MAP4K3: variants seen among roughly 807,000 people sequenced by gnomAD.
The protein encoded by MAP4K3 is MAPK/ERK kinase kinase kinase 3.
In MAP4K3, 94 loss-of-function variants were observed where a neutral mutation model predicts 143.5. That is an observed-to-expected ratio of 0.65 (90% confidence interval 0.55 to 0.78). MAP4K3 has a LOEUF of 0.78. Ranked by LOEUF, MAP4K3 falls within the 30% of genes least tolerant of loss-of-function variation. The probability of loss-of-function intolerance (pLI) is 0.00; values close to 1 mark genes in which losing one functional copy is unlikely to be tolerated. For missense variants in MAP4K3, 1,077 were observed against 1,068.1 expected (o/e 1.01, Z -0.12); for synonymous variants, 416 against 347.2 (o/e 1.20, Z -2.20).
At chr2:39,289,003 G>T (rs936273016) in intron 19 of MAP4K3, among the ~76,000 whole-genome samples, 7 of 152,194 alleles carry the variant, frequency 4.6e-5, no homozygotes, top group Non-Finnish European at 1.0e-4. Context: ...AGTGAGCCAA[G>T]ATAGCGCCAC....
In MAP4K3 at chr2:39,298,350, T is replaced by A. The variant is rs531897354; in HGVS notation, c.1178+1393A>T. ...TTTTAAAAAACATAAATGCTAATAATAATAATGACTTAATAATAGTATCAA... is the reference window on the plus strand; with the variant it reads ...TTTTAAAAAACATAAATGCTAATAAAAATAATGACTTAATAATAGTATCAA... On this transcript the variant is annotated intron_variant, in intron 16 of 33. Transcript: ENST00000263881. Among the ~76,000 whole-genome samples the A allele has an allele frequency of 2.0e-3, 304 of 152,174 alleles. 1 individual carries two copies. The highest frequency in any genetic ancestry group is 0.017 in the Middle Eastern group (5 of 290).
At chr2:39,427,406 A>G (rs1325240475) in intron 1 of MAP4K3, among the ~76,000 whole-genome samples, 1 of 152,136 alleles carries the variant, frequency 6.6e-6, no homozygotes, top group Admixed American at 6.5e-5. Context: ...AAGGCCAAGA[A>G]GAAACAGTGA....
intron 2 of MAP4K3, among the ~76,000 whole-genome samples, chr2:39,359,626 G>C (rs1287302359): frequency 2.0e-5 from 3 of 152,250 alleles, no homozygotes; most frequent in Non-Finnish European, 4.4e-5. Flanking sequence ...CTCCACCCTT[G>C]CAGCAAACTT....
At position 39,363,272 on chromosome 2, in the gene MAP4K3, G is replaced by A. The variant is rs192831237; in HGVS notation, c.155-6933C>T. On this transcript the variant is annotated intron_variant, in intron 2 of 33. Transcript: ENST00000263881. ...GAAACAGAATTAAAAGACTACCTAT[G>A]GAATGTAAGAAAATATTTGCAAACC... 9.6e-4 allele frequency among the ~76,000 whole-genome samples: 146 copies of A among 152,246 alleles called. 3 individuals carry two copies. The highest frequency in any genetic ancestry group is 8.2e-3 in the Admixed American group (125 of 15,284).
At position 39,332,002 on chromosome 2, in the gene MAP4K3, A is replaced by T. The variant is rs751258175; in HGVS notation, c.458-13T>A. The stretch of plus-strand genomic sequence containing the variant: ...ACTCCAAAATCAGCTATTAAAAAAA[A>T]TGAGAAACATTTAGGAAACTGAGAG... On this transcript the variant is annotated splice_polypyrimidine_tract_variant and intron_variant, in intron 7 of 33. Coordinates refer to ENST00000263881, the MANE Select transcript of MAP4K3 (RefSeq NM_003618.4). The T allele has an allele frequency of 4.2e-5, 61 of 1,464,056 alleles. No homozygotes were observed. Among genetic ancestry groups the T allele is most frequent in the Non-Finnish European group, 5.2e-5 (56 of 1,075,708 alleles). 90.7% of individuals were successfully genotyped at this position (1,464,056 alleles called of 1,614,324 possible). A position where few individuals can be genotyped will look rare whatever the true frequency, so the allele number is the denominator to read the frequency against.
In MAP4K3 at chr2:39,331,899, C is replaced by A; in HGVS notation, c.530+18G>T. On this transcript the variant is annotated intron_variant, in intron 8 of 33. Coordinates refer to ENST00000263881, the MANE Select transcript of MAP4K3 (RefSeq NM_003618.4). ...AATGATAGAACAAAGTATTAAATAT[C>A]AATTAAAATACAATTACCAATATGG... 1.3e-6 allele frequency: 2 copies of A among 1,483,512 alleles called. No homozygotes were observed. The highest frequency in any genetic ancestry group is 1.9e-6 in the Non-Finnish European group (2 of 1,080,864). The allele number at this position is 1,483,512 out of a possible 1,614,324, so 91.9% of individuals were successfully genotyped here.
chr2:39,360,033 T>A (rs1007341540), intron 2 of MAP4K3, among the ~76,000 whole-genome samples: 2 of 152,264 alleles, frequency 1.3e-5, no homozygotes, highest in Non-Finnish European at 2.9e-5. Context: ...TGCAGCAGGT[T>A]TGAATTTCTC....
chr2:39,367,911 C>T (rs543153051), intron 2 of MAP4K3, among the ~76,000 whole-genome samples: 1 of 152,292 alleles, frequency 6.6e-6, no homozygotes, highest in African/African-American at 2.4e-5. Context: ...ACCAGTTCCA[C>T]TCCTTTCTTA....
At chr2:39,283,175 A>C (rs1681614403) in intron 21 of MAP4K3, among the ~76,000 whole-genome samples, 2 of 152,122 alleles carry the variant, frequency 1.3e-5, no homozygotes, top group African/African-American at 4.8e-5. Context: ...ATACTGAGAA[A>C]CTACTGATAC....
intron 3 of MAP4K3, among the ~76,000 whole-genome samples, chr2:39,346,616 G>T (rs1665300270): frequency 6.6e-6 from 1 of 152,010 alleles, no homozygotes; most frequent in Non-Finnish European, 1.5e-5. Context: ...CTCCACTCCT[G>T]CTCCCAACCC....
intron 1 of MAP4K3, among the ~76,000 whole-genome samples, chr2:39,414,085 T>A (rs974157761): frequency 6.6e-6 from 1 of 152,192 alleles, no homozygotes; most frequent in Non-Finnish European, 1.5e-5. Flanking sequence ...TAGTTAAACT[T>A]GATTTTGTTC....
At chr2:39,343,599 G>T (rs1260363687) in intron 3 of MAP4K3, 147 bp from the exon 4 acceptor site, 1 of 600,100 alleles carries the variant, frequency 1.7e-6, no homozygotes, top group Non-Finnish European at 2.9e-6. Flanking sequence ...ATCTTTATGA[G>T]TAATGAATTA....
In MAP4K3 at chr2:39,369,197, T is replaced by TTTTGTTTG. The variant is rs1558670306; in HGVS notation, c.154+8868_154+8869insCAAACAAA. On this transcript the variant is annotated intron_variant, in intron 2 of 33. Coordinates refer to ENST00000263881, the MANE Select transcript of MAP4K3 (RefSeq NM_003618.4). ...AAAATCTAAACCTTTGGGCTAGTTT[T>TTTTGTTTG]TTTTTTTGTTTTTTTTGAGATGCAG... Among the ~76,000 whole-genome samples the TTTTGTTTG allele has an allele frequency of 4.4e-3, 248 of 56,322 alleles. 3 individuals carry two copies. The highest frequency in any genetic ancestry group is 0.012 in the African/African-American group (236 of 19,098). 36.9% of individuals were successfully genotyped at this position (56,322 alleles called of 152,430 possible).
At chr2:39,352,328 C>T (rs1478845733) in intron 3 of MAP4K3, among the ~76,000 whole-genome samples, 1 of 152,078 alleles carries the variant, frequency 6.6e-6, no homozygotes, top group African/African-American at 2.4e-5. Context: ...TGTTTTTCCC[C>T]CTAAGCTTTA....
chr2:39,378,970 A>G (rs1394528320), intron 1 of MAP4K3, among the ~76,000 whole-genome samples: 3 of 152,012 alleles, frequency 2.0e-5, no homozygotes, highest in Admixed American at 6.6e-5. Context: ...AAGATATTTT[A>G]TAATTGGATC....
intron 31 of MAP4K3, among the ~76,000 whole-genome samples, chr2:39,256,010 A>T (rs1323021081): frequency 2.0e-5 from 3 of 152,166 alleles, no homozygotes; most frequent in Non-Finnish European, 4.4e-5. Context: ...AAAAAAAAAT[A>T]ATTTGGAGGT....
rs1322509718 is a variant in MAP4K3 at position 39,437,187 on chromosome 2, C to T, written c.-200G>A. On this transcript the variant is annotated 5_prime_UTR_variant, in exon 1 of 34. Coordinates refer to ENST00000263881, the MANE Select transcript of MAP4K3 (RefSeq NM_003618.4). ...GACGACAAGCGGCCAATCGTCCCCG[C>T]CCCCCGCGGCCCGCCGCCGCGCCGA... 1 of 349,990 alleles carries T rather than the reference C, an allele frequency of 2.9e-6. No individual in the cohort carries two copies. The highest frequency in any genetic ancestry group is 5.0e-6 in the Non-Finnish European group (1 of 198,318). The allele number at this position is 349,990 out of a possible 1,614,324, so 21.7% of individuals were successfully genotyped here. A position where few individuals can be genotyped will look rare whatever the true frequency, so the allele number is the denominator to read the frequency against.
intron 15 of MAP4K3, among the ~76,000 whole-genome samples, chr2:39,305,216 G>A (rs1682659829): frequency 6.6e-6 from 1 of 152,090 alleles, no homozygotes; most frequent in Admixed American, 6.6e-5. Context: ...ATTTCGTAAT[G>A]TATATTTTAC....
chr2:39,336,397 C>T (rs192347057), intron 6 of MAP4K3, among the ~76,000 whole-genome samples: 17 of 141,040 alleles, frequency 1.2e-4, no homozygotes, highest in Admixed American at 1.1e-3. Context: ...CACTTGAACC[C>T]GGGAGGGGAG....
Sources: gnomAD v4.1 joint callset for allele counts (sites outside exome capture counted in the v4.1 genomes callset) on GRCh38, gnomAD v4.1.1 for gene constraint, MANE v1.5 for transcripts, NCBI Gene and HGNC (gene_info 2026-07-23, HGNC 2026-07-21) for gene names.